The following VIPR1 variants were observed in gnomAD, a reference collection of about 807,000 sequenced individuals.
VIPR1 encodes the protein vasoactive intestinal peptide receptor 1.
Under a neutral mutation model 58.8 loss-of-function variants are expected in VIPR1, and 59 were observed. The ratio of observed to expected loss-of-function variants is 1.00; its 90% CI spans 0.81 to 1.25. VIPR1 has a LOEUF of 1.25. VIPR1 is among the 50% of genes most tolerant of loss of function. VIPR1 has a pLI of 0.00. For synonymous variants in VIPR1, 251 were observed against 242.1 expected (o/e 1.04, Z -0.34); for missense variants, 626 against 602.7 (o/e 1.04, Z -0.40).
intron 6 of VIPR1, chr3:42,528,570 C>A: frequency 5.2e-6 from 1 of 191,706 alleles, no homozygotes; most frequent in Non-Finnish European, 1.1e-5. Context: ...TCCTACTCCC[C>A]CCGTCCCCGT....
chr3:42,517,171 G>T (rs1449053876), intron 2 of VIPR1, among the ~76,000 whole-genome samples: 1 of 152,222 alleles, frequency 6.6e-6, no homozygotes, highest in African/African-American at 2.4e-5. Context: ...TGGCCTGACT[G>T]CTGCAGCCCC....
chr3:42,525,213 G>T (rs992175942), intron 3 of VIPR1, among the ~76,000 whole-genome samples: 1 of 151,950 alleles, frequency 6.6e-6, no homozygotes, highest in African/African-American at 2.4e-5. Flanking sequence ...CCCCCTAAGC[G>T]GTCCTGTCTC....
chr3:42,530,901 G>A lies in VIPR1; in HGVS notation c.759G>A (p.Lys253=), dbSNP rs369436638. Residue 253 remains lysine, a synonymous_variant, in exon 7 of 13, where the codon AAG becomes AAA. Coordinates refer to ENST00000325123, the MANE Select transcript of VIPR1 (RefSeq NM_004624.4). ...CCGTCTCCTTCTTCTCTGAGCGGAA[G>A]TACTTCTGGGGGTACATACTCATCG... The part of the protein sequence containing the change: ...LLAVSFFSER[K]YFWGYILIGW... The A allele has an allele frequency of 7.2e-5, 117 of 1,613,978 alleles. No homozygotes were observed. The highest frequency in any genetic ancestry group is 9.4e-5 in the Non-Finnish European group (111 of 1,179,970).
At chr3:42,526,805 A>C (rs1249155868) in intron 4 of VIPR1, among the ~76,000 whole-genome samples, 1 of 152,122 alleles carries the variant, frequency 6.6e-6, no homozygotes, top group African/African-American at 2.4e-5. Context: ...GGAGGGCATC[A>C]GGAGAGGGGA....
chr3:42,530,986 G>C (rs1490636415), intron 7 of VIPR1, 54 bp downstream of exon 7: 2 of 1,602,354 alleles, frequency 1.2e-6, no homozygotes, highest in African/African-American at 2.7e-5. Flanking sequence ...AAGGCCTGGA[G>C]AACTCCCTAG....
intron 3 of VIPR1, chr3:42,521,352 C>T (rs981907016): frequency 6.6e-6 from 1 of 152,176 alleles, no homozygotes; most frequent in African/African-American, 2.4e-5. Context: ...CTTGCACAGC[C>T]ATACTCTGTG....
intron 1 of VIPR1, chr3:42,507,301 A>C (rs1426959859): frequency 6.6e-6 from 1 of 152,246 alleles, no homozygotes; most frequent in Non-Finnish European, 1.5e-5. Context: ...GCGAGCTGGC[A>C]GGGAGAAAGC....
Position 42,536,126 on chromosome 3 carries a change from C to A in VIPR1, c.1219C>A (p.His407Asn). Residue 407 changes from histidine to asparagine, a missense_variant, in exon 13 of 13, where the codon CAC (histidine) becomes AAC (asparagine). Physicochemically the swap from His to Asn is moderately conservative, Grantham distance 68 (BLOSUM62 1). Transcript: ENST00000325123. ...AELRRKWRRW[H>N]LQGVLGWNPK... ...GCTGAGGCGGAAGTGGCGGCGCTGGCACCTGCAGGGCGTCCTGGGCTGGAA... is the reference window on the plus strand; with the variant it reads ...GCTGAGGCGGAAGTGGCGGCGCTGGAACCTGCAGGGCGTCCTGGGCTGGAA... 1 of 1,603,964 alleles carries A rather than the reference C, an allele frequency of 6.2e-7. No individual in the cohort carries two copies. Among genetic ancestry groups the A allele is most frequent in the East Asian group, 2.3e-5 (1 of 44,298 alleles).
intron 6 of VIPR1, chr3:42,528,332 C>G: frequency 1.5e-6 from 1 of 685,980 alleles, no homozygotes; most frequent in Non-Finnish European, 2.4e-6. Context: ...TGTTGCTCAC[C>G]CATCTGGGTG....
At chr3:42,534,810 C>A in intron 10 of VIPR1, 165 bp from the exon 11 acceptor site, 1 of 886,014 alleles carries the variant, frequency 1.1e-6, no homozygotes, top group Non-Finnish European at 1.7e-6. Flanking sequence ...AGCTGTGGAA[C>A]AGGAGCAGAC....
intron 8 of VIPR1, 125 bp downstream of exon 8, chr3:42,531,656 C>A (rs1701562060): frequency 1.3e-6 from 2 of 1,549,946 alleles, no homozygotes; most frequent in Non-Finnish European, 8.9e-7. Flanking sequence ...AGAGGGGAGG[C>A]TGGAGGAGGA....
At chr3:42,530,465 G>C (rs936395901) in intron 6 of VIPR1, 1 of 285,810 alleles carries the variant, frequency 3.5e-6, no homozygotes, top group African/African-American at 2.1e-5. Flanking sequence ...GTGGGTGAGT[G>C]GGTAAATAAA....
intron 1 of VIPR1, among the ~76,000 whole-genome samples, chr3:42,494,996 T>C (rs1052678936): frequency 4.6e-5 from 7 of 152,224 alleles, no homozygotes; most frequent in Non-Finnish European, 1.0e-4. Context: ...TTAAAATTTA[T>C]TAATTGTCTA....
chr3:42,504,891 G>C (rs1271476089), intron 1 of VIPR1, among the ~76,000 whole-genome samples: 3 of 101,338 alleles, frequency 3.0e-5, no homozygotes, highest in African/African-American at 1.1e-4. Flanking sequence ...AGAAATCTCT[G>C]AAAAGGGAGG....
chr3:42,507,918 A>C (rs1347103919), intron 1 of VIPR1: 3 of 139,786 alleles, frequency 2.1e-5, no homozygotes, highest in African/African-American at 8.2e-5. Flanking sequence ...CTCTTCTTCT[A>C]CCAGAGCTCA....
chr3:42,507,710 A>G (rs1700178211), intron 1 of VIPR1, among the ~76,000 whole-genome samples: 2 of 152,178 alleles, frequency 1.3e-5, no homozygotes, highest in Admixed American at 6.5e-5. Flanking sequence ...CATGCCCCCA[A>G]AAGAAACCTT....
chr3:42,530,347 G>A (rs1701467561), intron 6 of VIPR1: 1 of 181,482 alleles, frequency 5.5e-6, no homozygotes, highest in Non-Finnish European at 1.2e-5. Context: ...TAGAAGAATG[G>A]AGAGATAGGT....
At chr3:42,494,565 T>A (rs1395536764) in intron 1 of VIPR1, among the ~76,000 whole-genome samples, 1 of 152,248 alleles carries the variant, frequency 6.6e-6, no homozygotes, top group African/African-American at 2.4e-5. Flanking sequence ...CTCATAGCTT[T>A]CAAATATACT....
rs138863009 is a variant in VIPR1 at position 42,511,143 on chromosome 3, C to T, written c.79-2606C>T. 1.2e-3 allele frequency among the ~76,000 whole-genome samples: 178 copies of T among 152,318 alleles called. 1 individual carries two copies. The highest frequency in any genetic ancestry group is 3.9e-3 in the African/African-American group (162 of 41,570). ...TGCTAGCAGTAGAGCTGGTTTCAGG[C>T]ATGGCTGCATTCACAGACCCAGACA... is the stretch of plus-strand genomic sequence containing the variant. On this transcript the variant is annotated intron_variant, in intron 1 of 12. Coordinates refer to ENST00000325123, the MANE Select transcript of VIPR1 (RefSeq NM_004624.4).
Sources: allele counts gnomAD v4.1 joint callset (sites outside exome capture counted in the v4.1 genomes callset), GRCh38; gene constraint gnomAD v4.1.1; transcripts MANE v1.5; gene names NCBI Gene and HGNC (gene_info 2026-07-23, HGNC 2026-07-21).